CDK5RAP2: variants seen among roughly 807,000 people sequenced by gnomAD.
CDK5RAP2 encodes CDK5 regulatory subunit-associated protein 2.
A neutral mutation model predicts 232.9 loss-of-function variants in CDK5RAP2; 147 were observed. That is an observed-to-expected ratio of 0.63 (90% CI 0.55 to 0.72). The LOEUF (loss-of-function observed/expected upper bound fraction) is 0.72, where lower values mean the gene tolerates loss of function less well. Among genes scored for constraint, CDK5RAP2 ranks in the 30% least tolerant of loss-of-function variants. The probability of loss-of-function intolerance (pLI) is 0.00; values close to 1 mark genes in which losing one functional copy is unlikely to be tolerated. For synonymous variants in CDK5RAP2, 833 were observed against 833.7 expected (o/e 1.00, Z 0.01); for missense variants, 2,195 against 2,231.5 (o/e 0.98, Z 0.33).
intron 1 of CDK5RAP2, 26 bp from the exon 2 acceptor site, chr9:120,572,067 G>A (rs768555652): frequency 6.5e-7 from 1 of 1,544,686 alleles, no homozygotes; most frequent in Admixed American, 1.7e-5. Context: ...TGAGATAAGA[G>A]ATGAGCTAAT....
At position 120,530,104 on chromosome 9, in the gene CDK5RAP2, T is replaced by C; in HGVS notation, c.699A>G (p.Lys233=). The C allele has an allele frequency of 1.9e-6, 3 of 1,613,860 alleles. No homozygotes were observed. The highest frequency in any genetic ancestry group is 1.7e-6 in the Non-Finnish European group (2 of 1,179,832). The change falls in exon 8 of 38, where the codon AAA becomes AAG. Residue 233 remains lysine (K), a synonymous_variant. Coordinates refer to ENST00000349780, the MANE Select transcript of CDK5RAP2 (RefSeq NM_018249.6). Reference sequence around the variant, plus strand: ...CTTTAAGGCACTGAATTAAAGCTTCTTTGCTCTTCAAAGACAGCTTCAACT... The same window carrying C: ...CTTTAAGGCACTGAATTAAAGCTTCCTTGCTCTTCAAAGACAGCTTCAACT... ...IEELKLSLKS[K]EALIQCLKEE...
chr9:120,402,729 G>A (rs573792229), intron 34 of CDK5RAP2, 77 bp downstream of exon 34: 325 of 1,538,392 alleles, frequency 2.1e-4, no homozygotes, highest in African/African-American at 2.0e-3. Flanking sequence ...GGACAACTGC[G>A]CCATTTGACT....
At chr9:120,562,138 T>C (rs1178056605) in intron 3 of CDK5RAP2, among the ~76,000 whole-genome samples, 2 of 152,216 alleles carry the variant, frequency 1.3e-5, no homozygotes, top group Non-Finnish European at 2.9e-5. Context: ...ACAAACACCT[T>C]CATCAACAGA....
At chr9:120,528,926 G>A (rs2041026872) in intron 8 of CDK5RAP2, 129 bp from the exon 9 acceptor site, 1 of 719,248 alleles carries the variant, frequency 1.4e-6, no homozygotes, top group Non-Finnish European at 2.5e-6. Context: ...GTTAAAACAA[G>A]TGTCCCCTCC....
At chr9:120,565,557 T>C (rs2042617842) in intron 3 of CDK5RAP2, among the ~76,000 whole-genome samples, 1 of 152,172 alleles carries the variant, frequency 6.6e-6, no homozygotes, top group South Asian at 2.1e-4. Flanking sequence ...CCTGCTTCAA[T>C]GGCCTCACTT....
intron 37 of CDK5RAP2, 149 bp downstream of exon 37, chr9:120,389,592 C>T: frequency 5.2e-6 from 4 of 761,970 alleles, no homozygotes; most frequent in Non-Finnish European, 8.9e-6. Flanking sequence ...TAAAACACAA[C>T]TTTTCATGCA....
intron 25 of CDK5RAP2, among the ~76,000 whole-genome samples, chr9:120,427,650 A>C (rs2131411116): frequency 6.6e-6 from 1 of 152,366 alleles, no homozygotes; most frequent in Middle Eastern, 3.4e-3. Context: ...GTGAACAAAG[A>C]AAGATTCCTG....
intron 15 of CDK5RAP2, 39 bp from the exon 16 acceptor site, chr9:120,471,917 T>C (rs1304216193): frequency 1.2e-6 from 2 of 1,613,052 alleles, no homozygotes; most frequent in African/African-American, 2.7e-5. Context: ...AAAACAGACC[T>C]ATTTGTACTT....
chr9:120,405,961 G>GA (rs1306713957), intron 32 of CDK5RAP2, among the ~76,000 whole-genome samples: 5 of 152,098 alleles, frequency 3.3e-5, no homozygotes, highest in African/African-American at 1.2e-4. Flanking sequence ...TTTAATAAAT[G>GA]AAAAAATATG....
rs1372511899 is a variant in CDK5RAP2, at chr9:120,439,791, T to C, written c.3330A>G (p.Glu1110=). 3.7e-6 allele frequency: 6 copies of C among 1,614,068 alleles called. No homozygotes were observed. Among genetic ancestry groups the C allele is most frequent in the Middle Eastern group, 3.3e-4 (2 of 6,084 alleles). ...AGTCATGGATTTTCTGTTTTAAGTATTCTGTCTCATTTGAGGTATTAATGC... is the reference window on the plus strand; with the variant it reads ...AGTCATGGATTTTCTGTTTTAAGTACTCTGTCTCATTTGAGGTATTAATGC... ...SESINTSNET[E]YLKQKIHDLE... Residue 1110 remains glutamate, a synonymous_variant, in exon 24 of 38, where the codon GAA becomes GAG. Coordinates refer to ENST00000349780, the MANE Select transcript of CDK5RAP2 (RefSeq NM_018249.6).
intron 10 of CDK5RAP2, 95 bp from the exon 11 acceptor site, chr9:120,525,173 T>C: frequency 1.1e-6 from 1 of 944,384 alleles, no homozygotes. Context: ...GTCGTGCTTA[T>C]AATCAAGGGC....
chr9:120,502,595 C>T (rs747506783), intron 12 of CDK5RAP2, among the ~76,000 whole-genome samples: 19 of 152,234 alleles, frequency 1.2e-4, no homozygotes, highest in Admixed American at 2.6e-4. Context: ...AATCCCCTAA[C>T]AGAGTTGACA....
Position 120,388,982 on chromosome 9 carries a change from T to G in CDK5RAP2, c.*254A>C. The G allele has an allele frequency of 1.7e-6, 1 of 579,014 alleles. No individual in the cohort carries two copies. The highest frequency in any genetic ancestry group is 3.1e-6 in the Non-Finnish European group (1 of 326,768). The allele number at this position is 579,014 out of a possible 1,614,324, so 35.9% of individuals were successfully genotyped here. A position where few individuals can be genotyped will look rare whatever the true frequency, so the allele number is the denominator to read the frequency against. ...GCCCACCAAGGCGCACAGCCTCAAC[T>G]CCGGTGCCTGCCCCTGATCTGAAAT... On this transcript the variant is annotated 3_prime_UTR_variant, in exon 38 of 38. Transcript: ENST00000349780.
At chr9:120,414,165 G>A (rs1418507529) in intron 28 of CDK5RAP2, among the ~76,000 whole-genome samples, 1 of 152,240 alleles carries the variant, frequency 6.6e-6, no homozygotes, top group African/African-American at 2.4e-5. Context: ...GTGAGGCACT[G>A]AGCAAGGCCC....
chr9:120,576,028 T>C (rs2043020210), intron 1 of CDK5RAP2, among the ~76,000 whole-genome samples: 1 of 152,226 alleles, frequency 6.6e-6, no homozygotes, highest in Non-Finnish European at 1.5e-5. Context: ...TGAAATGTTT[T>C]CTATTCTGTT....
chr9:120,550,990 G>A (rs1028559567), intron 3 of CDK5RAP2, 88 bp from the exon 4 acceptor site: 5 of 796,786 alleles, frequency 6.3e-6, no homozygotes, highest in Admixed American at 1.8e-5. Flanking sequence ...TATGGATTAC[G>A]AGGCTACAAA....
intron 12 of CDK5RAP2, among the ~76,000 whole-genome samples, chr9:120,517,000 G>T (rs539118846): frequency 6.6e-6 from 1 of 152,298 alleles, no homozygotes; most frequent in African/African-American, 2.4e-5. Context: ...AGTAAATCAT[G>T]TGAAATCTAT....
chr9:120,514,058 C>T (rs1029725545), intron 12 of CDK5RAP2, among the ~76,000 whole-genome samples: 1 of 152,172 alleles, frequency 6.6e-6, no homozygotes, highest in African/African-American at 2.4e-5. Context: ...GTGAGATGGA[C>T]ACATCAAATT....
intron 12 of CDK5RAP2, among the ~76,000 whole-genome samples, chr9:120,515,044 A>G (rs540899113): frequency 1.3e-5 from 2 of 152,260 alleles, no homozygotes; most frequent in East Asian, 3.9e-4. Context: ...TACATATTAT[A>G]TATTATCGAG....
Sources: allele counts gnomAD v4.1 joint callset (sites outside exome capture counted in the v4.1 genomes callset), GRCh38; gene constraint gnomAD v4.1.1; transcripts MANE v1.5; gene names NCBI Gene and HGNC (gene_info 2026-07-23, HGNC 2026-07-21).